Variants in GNAL observed in about 807,000 individuals in gnomAD.
The protein encoded by GNAL is G protein subunit alpha L.
A neutral mutation model predicts 55.1 loss-of-function variants in GNAL; 18 were observed. The observed-to-expected ratio is 0.33, with a 90% CI of 0.23 to 0.48. GNAL has a LOEUF of 0.48. Among genes scored for constraint, GNAL ranks in the 20% least tolerant of loss-of-function variants. The probability of loss-of-function intolerance (pLI) is 0.99; values close to 1 mark genes in which losing one functional copy is unlikely to be tolerated. For synonymous variants in GNAL, 253 were observed against 237.0 expected, an observed-to-expected ratio of 1.07 and a Z score of -0.62; for missense variants, 412 against 614.1, an observed-to-expected ratio of 0.67 and a Z score of 3.48.
intron 4 of GNAL, among the ~76,000 whole-genome samples, chr18:11,773,605 T>C (rs961038289): frequency 6.6e-6 from 1 of 152,028 alleles, no homozygotes; most frequent in Non-Finnish European, 1.5e-5. Flanking sequence ...ACCCCATCTC[T>C]ACAAAAAATC....
chr18:11,810,486 T>G (rs2034783444), intron 4 of GNAL: 2 of 152,220 alleles, frequency 1.3e-5, no homozygotes, highest in South Asian at 4.1e-4. Flanking sequence ...AACACAGAGA[T>G]CACAGGCCTG....
chr18:11,782,843 A>C (rs2033957364), intron 4 of GNAL, among the ~76,000 whole-genome samples: 1 of 152,218 alleles, frequency 6.6e-6, no homozygotes. Flanking sequence ...GGAAAAATGT[A>C]CATAGATGCT....
At chr18:11,848,517 C>T (rs1041891110) in intron 5 of GNAL, among the ~76,000 whole-genome samples, 4 of 150,202 alleles carry the variant, frequency 2.7e-5, no homozygotes, top group Admixed American at 6.6e-5. Flanking sequence ...AGTGCACTGG[C>T]GTGATCTCAG....
At position 11,881,373 on chromosome 18, in the gene GNAL, A is replaced by C; in HGVS notation, c.*238A>C. 2.3e-6 allele frequency: 1 copy of C among 442,032 alleles called. No homozygotes were observed. The highest frequency in any genetic ancestry group is 2.0e-5 in the African/African-American group (1 of 50,714). The allele number at this position is 442,032 out of a possible 1,614,324, so 27.4% of individuals were successfully genotyped here. The stretch of plus-strand genomic sequence containing the variant: ...CAAACCACCGACTCTCATTGCCGAC[A>C]CTGCAGCAGAATCTCTCCGGGTGGG... On this transcript the variant is annotated 3_prime_UTR_variant, in exon 12 of 12. Coordinates refer to ENST00000334049, the MANE Select transcript of GNAL (RefSeq NM_182978.4). The surrounding 1 kb of genome is among the most constrained non-coding windows in gnomAD (Gnocchi z 4.8).
chr18:11,721,096 T>A (rs1366074110), intron 1 of GNAL, among the ~76,000 whole-genome samples: 1 of 152,150 alleles, frequency 6.6e-6, no homozygotes, highest in Non-Finnish European at 1.5e-5. Context: ...GTTCAAAAAT[T>A]CACAATAAAA....
intron 4 of GNAL, among the ~76,000 whole-genome samples, chr18:11,787,001 A>G (rs2034081301): frequency 6.6e-6 from 1 of 152,082 alleles, no homozygotes; most frequent in Non-Finnish European, 1.5e-5. Context: ...GCAGTTTGGG[A>G]GACTGAGGTA....
At chr18:11,698,769 A>G (rs376506492) in intron 1 of GNAL, among the ~76,000 whole-genome samples, 100 of 152,266 alleles carry the variant, frequency 6.6e-4, no homozygotes, top group African/African-American at 2.3e-3. Context: ...GGAATTGTCA[A>G]TCTTTGTTTG....
At chr18:11,695,899 T>G (rs1165043055) in intron 1 of GNAL, among the ~76,000 whole-genome samples, 1 of 149,388 alleles carries the variant, frequency 6.7e-6, no homozygotes, top group Non-Finnish European at 1.5e-5. Flanking sequence ...GGTGCACACA[T>G]GCTCAGACAT....
rs1049155245 is a variant in GNAL at position 11,884,789 on chromosome 18, G to T, written c.*3654G>T. ...ACCAAGGGGGCCCAGCCTTCTCCCTGCACAGCTCACCCCCGACCAGCCCAG... is the reference window on the plus strand; with the variant it reads ...ACCAAGGGGGCCCAGCCTTCTCCCTTCACAGCTCACCCCCGACCAGCCCAG... On this transcript the variant is annotated 3_prime_UTR_variant, in exon 12 of 12. Coordinates refer to ENST00000334049, the MANE Select transcript of GNAL (RefSeq NM_182978.4). 3 of 1,362,528 alleles carry T rather than the reference G, an allele frequency of 2.2e-6. No individual in the cohort carries two copies. In the South Asian group the frequency reaches 4.6e-5, roughly 21 times the overall value. 84.4% of individuals were successfully genotyped at this position (1,362,528 alleles called of 1,614,324 possible). A position where few individuals can be genotyped will look rare whatever the true frequency, so the allele number is the denominator to read the frequency against.
chr18:11,689,894 G>A lies in GNAL; in HGVS notation c.331G>A (p.Asp111Asn). 6.8e-7 allele frequency: 1 copy of A among 1,480,738 alleles called. No individual in the cohort carries two copies. Among genetic ancestry groups the A allele is most frequent in the African/African-American group, 1.5e-5 (1 of 68,838 alleles). 91.7% of individuals were successfully genotyped at this position (1,480,738 alleles called of 1,614,324 possible). A position where few individuals can be genotyped will look rare whatever the true frequency, so the allele number is the denominator to read the frequency against. ...VSRGIDRMLR[D>N]QKRDLQQTHR... ...CCGGGGCATCGACCGCATGCTGCGCGACCAGAAGCGCGACCTGCAGCAGAC... is the reference window on the plus strand; with the variant it reads ...CCGGGGCATCGACCGCATGCTGCGCAACCAGAAGCGCGACCTGCAGCAGAC... The change falls in exon 1 of 12, where the codon GAC becomes AAC. Residue 111 changes from aspartate (D) to asparagine (N), a missense_variant. Transcript: ENST00000334049.
At chr18:11,749,993 G>A (rs1393454143) in intron 1 of GNAL, among the ~76,000 whole-genome samples, 1 of 152,222 alleles carries the variant, frequency 6.6e-6, no homozygotes, top group South Asian at 2.1e-4. Context: ...CGCAGTGGGA[G>A]CATTGTGCAA....
At chr18:11,693,404 A>G (rs2031313177) in intron 1 of GNAL, among the ~76,000 whole-genome samples, 1 of 152,188 alleles carries the variant, frequency 6.6e-6, no homozygotes, top group South Asian at 2.1e-4. Flanking sequence ...AGTGTATTGT[A>G]TGTATCCTCC....
At chr18:11,809,319 G>A (rs1382095687) in intron 4 of GNAL, among the ~76,000 whole-genome samples, 1 of 152,030 alleles carries the variant, frequency 6.6e-6, no homozygotes, top group Admixed American at 6.6e-5. Context: ...TCTGCTAATG[G>A]GTCATGCAGA....
chr18:11,874,594 C>A (rs1346558340), intron 10 of GNAL, among the ~76,000 whole-genome samples: 1 of 25,990 alleles, frequency 3.8e-5, no homozygotes, highest in Non-Finnish European at 7.3e-5. Context: ...GGCTCCGTCT[C>A]AAAAAAACAA....
At chr18:11,860,380 G>A (rs1030069512) in intron 5 of GNAL, among the ~76,000 whole-genome samples, 1 of 152,160 alleles carries the variant, frequency 6.6e-6, no homozygotes, top group Non-Finnish European at 1.5e-5. Context: ...GATGTCCAAG[G>A]AAATTATGTA....
chr18:11,884,891 GC>G lies in GNAL; in HGVS notation c.*3760del. 1 of 1,314,824 alleles carries G rather than the reference GC, an allele frequency of 7.6e-7. No homozygotes were observed. The highest frequency in any genetic ancestry group is 9.8e-7 in the Non-Finnish European group (1 of 1,022,860). 81.4% of individuals were successfully genotyped at this position (1,314,824 alleles called of 1,614,324 possible). Reference sequence around the variant, plus strand: ...CTGGGACACTGACCTGTCAAAACTGGCCCCTGGCTCACTGGGTTCCCATCAA... The same window carrying G: ...CTGGGACACTGACCTGTCAAAACTGGCCCTGGCTCACTGGGTTCCCATCAA... On this transcript the variant is annotated 3_prime_UTR_variant, in exon 12 of 12. Coordinates refer to ENST00000334049, the MANE Select transcript of GNAL (RefSeq NM_182978.4).
At chr18:11,748,825 C>G (rs2032748049) in intron 1 of GNAL, among the ~76,000 whole-genome samples, 3 of 152,066 alleles carry the variant, frequency 2.0e-5, no homozygotes, top group African/African-American at 7.2e-5. Flanking sequence ...AAAAAAAGCA[C>G]AGACACATAC....
intron 4 of GNAL, chr18:11,810,556 T>TC (rs2034785348): frequency 6.6e-6 from 1 of 152,242 alleles, no homozygotes; most frequent in Non-Finnish European, 1.5e-5. Context: ...GCTGGACCAG[T>TC]CCCAGCTCGT....
chr18:11,864,565 G>T lies in GNAL; in HGVS notation c.810G>T (p.Gly270=). The change falls in exon 7 of 12, where the codon GGG becomes GGT. Residue 270 remains glycine, a synonymous_variant. Coordinates refer to ENST00000334049, the MANE Select transcript of GNAL (RefSeq NM_182978.4). The part of the protein sequence containing the change: ...DLLRCRVLTS[G]IFETRFQVDK... The stretch of plus-strand genomic sequence containing the variant: ...TCAGATGCAGAGTTCTGACATCTGG[G>T]ATTTTTGAGACACGATTCCAAGTGG... 1 of 1,593,200 alleles carries T rather than the reference G, an allele frequency of 6.3e-7. No individual in the cohort carries two copies. Among genetic ancestry groups the T allele is most frequent in the Non-Finnish European group, 8.6e-7 (1 of 1,161,038 alleles).
Sources: gnomAD v4.1 joint callset for allele counts (sites outside exome capture counted in the v4.1 genomes callset) on GRCh38, gnomAD v4.1.1 for gene constraint, Gnocchi (gnomAD v3.1) non-coding constraint, MANE v1.5 for transcripts, NCBI Gene and HGNC (gene_info 2026-07-23, HGNC 2026-07-21) for gene names.